The following CNTNAP5 variants were observed in gnomAD, a reference collection of about 807,000 sequenced individuals.
CNTNAP5 encodes contactin-associated protein-like 5.
Under a neutral mutation model 150.2 loss-of-function variants are expected in CNTNAP5, and 72 were observed. The ratio of observed to expected loss-of-function variants is 0.48; its 90% CI spans 0.40 to 0.58. CNTNAP5 has a LOEUF of 0.58. Among genes scored for constraint, CNTNAP5 ranks in the 20% least tolerant of loss-of-function variants. The probability of loss-of-function intolerance (pLI) is 0.00; values close to 1 mark genes in which losing one functional copy is unlikely to be tolerated. For missense variants in CNTNAP5, 1,636 were observed against 1,626.2 expected, an observed-to-expected ratio of 1.01 and a Z score of -0.10; for synonymous variants, 672 against 619.8, an observed-to-expected ratio of 1.08 and a Z score of -1.25.
At chr2:124,126,368 A>G (rs1056086614) in intron 1 of CNTNAP5, among the ~76,000 whole-genome samples, 1 of 152,196 alleles carries the variant, frequency 6.6e-6, no homozygotes, top group African/African-American at 2.4e-5. Flanking sequence ...GAAGAAGTTG[A>G]ATCTCTGAAT....
intron 11 of CNTNAP5, among the ~76,000 whole-genome samples, chr2:124,591,582 G>A (rs1327507156): frequency 1.3e-5 from 2 of 152,104 alleles, no homozygotes; most frequent in African/African-American, 4.8e-5. Context: ...TAGTCTTGAT[G>A]AACATACATA....
chr2:124,655,218 C>A (rs761431945), intron 13 of CNTNAP5, among the ~76,000 whole-genome samples: 1 of 152,036 alleles, frequency 6.6e-6, no homozygotes, highest in Non-Finnish European at 1.5e-5. Context: ...TTGTTCAATT[C>A]CCACTTATGA....
intron 3 of CNTNAP5, among the ~76,000 whole-genome samples, chr2:124,327,237 C>T (rs1017353372): frequency 1.3e-5 from 2 of 151,952 alleles, no homozygotes; most frequent in African/African-American, 2.4e-5. Flanking sequence ...GCCTCGGCCT[C>T]CCAAAGTGCT....
At chr2:124,589,125 T>C (rs1696621221) in intron 11 of CNTNAP5, among the ~76,000 whole-genome samples, 1 of 152,200 alleles carries the variant, frequency 6.6e-6, no homozygotes. Flanking sequence ...CCTTCTTCAC[T>C]ATCTTAATTG....
intron 1 of CNTNAP5, among the ~76,000 whole-genome samples, chr2:124,063,366 C>T (rs752842675): frequency 3.9e-5 from 6 of 152,044 alleles, no homozygotes; most frequent in Non-Finnish European, 7.4e-5. Context: ...GAAATAGGAA[C>T]GTTGATGTAG....
At chr2:124,607,618 G>T (rs923736390) in intron 11 of CNTNAP5, among the ~76,000 whole-genome samples, 3 of 152,176 alleles carry the variant, frequency 2.0e-5, no homozygotes, top group Admixed American at 6.5e-5. Context: ...TAGCACAGGT[G>T]GGGTAGCTTG....
At chr2:124,597,964 T>TTG (rs1696871624) in intron 11 of CNTNAP5, among the ~76,000 whole-genome samples, 1 of 103,516 alleles carries the variant, frequency 9.7e-6, no homozygotes, top group African/African-American at 3.5e-5. Flanking sequence ...CATTCTTCAC[T>TTG]TAGTTCTCGA....
intron 3 of CNTNAP5, among the ~76,000 whole-genome samples, chr2:124,360,294 T>G (rs938843195): frequency 6.6e-6 from 1 of 150,974 alleles, no homozygotes; most frequent in South Asian, 2.1e-4. Flanking sequence ...AATTGGAGCA[T>G]TTAGTCCATT....
intron 3 of CNTNAP5, among the ~76,000 whole-genome samples, chr2:124,372,415 C>A (rs571485688): frequency 1.3e-5 from 2 of 152,144 alleles, no homozygotes; most frequent in African/African-American, 4.8e-5. Flanking sequence ...CTAATAAACT[C>A]CTTTTTACAT....
intron 19 of CNTNAP5, among the ~76,000 whole-genome samples, chr2:124,802,862 C>A (rs1681998753): frequency 6.6e-6 from 1 of 152,158 alleles, no homozygotes; most frequent in African/African-American, 2.4e-5. Flanking sequence ...CGGTGGCTCA[C>A]ACCTGTAATC....
At chr2:124,522,652 G>A (rs1694871189) in intron 8 of CNTNAP5, among the ~76,000 whole-genome samples, 2 of 152,122 alleles carry the variant, frequency 1.3e-5, no homozygotes, top group South Asian at 4.1e-4. Context: ...TGGGAAAAGT[G>A]CTCTTCAGAA....
At chr2:124,817,765 T>A (rs191004789) in intron 19 of CNTNAP5, among the ~76,000 whole-genome samples, 5 of 152,130 alleles carry the variant, frequency 3.3e-5, no homozygotes, top group Admixed American at 3.3e-4. Flanking sequence ...TCAAAACATA[T>A]CTATACTCTA....
intron 2 of CNTNAP5, among the ~76,000 whole-genome samples, chr2:124,228,163 G>A (rs191925465): frequency 6.6e-6 from 1 of 152,150 alleles, no homozygotes; most frequent in African/African-American, 2.4e-5. Flanking sequence ...ACTGGTATCA[G>A]TCCCAGAGCC....
intron 5 of CNTNAP5, among the ~76,000 whole-genome samples, chr2:124,439,828 G>C (rs987780691): frequency 6.6e-6 from 1 of 152,134 alleles, no homozygotes; most frequent in Non-Finnish European, 1.5e-5. Flanking sequence ...TCTGTGTCAT[G>C]TCCTCCCTTC....
rs146268855 is a variant in CNTNAP5, at chr2:124,501,713, G to A, written c.1063-2579G>A. Among the ~76,000 whole-genome samples the A allele has an allele frequency of 7.9e-5, 12 of 152,152 alleles. No individual in the cohort carries two copies. In the East Asian group the frequency reaches 2.1e-3, roughly 27 times the overall value. On this transcript the variant is annotated intron_variant, in intron 7 of 23. Coordinates refer to ENST00000682447, the MANE Select transcript of CNTNAP5 (RefSeq NM_001367498.1). ...ACACTGATGGCCCTCAACACTGTAC[G>A]TCATTTCTGTCAGCAGTAAGCACAG... is the stretch of plus-strand genomic sequence containing the variant.
chr2:124,401,146 G>A (rs528540056), intron 3 of CNTNAP5, among the ~76,000 whole-genome samples: 38 of 152,298 alleles, frequency 2.5e-4, no homozygotes, highest in Admixed American at 9.8e-4. Context: ...GATTACAGGT[G>A]TGAGCCATCG....
At chr2:124,469,313 G>A (rs2104828471) in intron 6 of CNTNAP5, among the ~76,000 whole-genome samples, 1 of 152,178 alleles carries the variant, frequency 6.6e-6, no homozygotes, top group Middle Eastern at 3.4e-3. Flanking sequence ...AAAGACAGCA[G>A]CTTTTTTTCA....
chr2:124,453,961 A>G (rs1011435851), intron 6 of CNTNAP5, among the ~76,000 whole-genome samples: 1 of 152,170 alleles, frequency 6.6e-6, no homozygotes, highest in Non-Finnish European at 1.5e-5. Flanking sequence ...AGGACCTACA[A>G]AACAAAAAAT....
chr2:124,363,691 C>T (rs183687015), intron 3 of CNTNAP5, among the ~76,000 whole-genome samples: 1 of 152,202 alleles, frequency 6.6e-6, no homozygotes, highest in East Asian at 1.9e-4. Flanking sequence ...GGATAGATCT[C>T]ATGTTAAGTA....
Sources: gnomAD v4.1 joint callset for allele counts (sites outside exome capture counted in the v4.1 genomes callset) on GRCh38, gnomAD v4.1.1 for gene constraint, MANE v1.5 for transcripts, NCBI Gene and HGNC (gene_info 2026-07-23, HGNC 2026-07-21) for gene names.